The following REPS2 variants were observed in gnomAD, a reference collection of about 807,000 sequenced individuals.
The protein encoded by REPS2 is RALBP1 associated Eps domain containing 2.
REPS2 carries 23 observed loss-of-function variants against 53.6 expected under a neutral mutation model. That is an observed-to-expected ratio of 0.43 (90% confidence interval 0.31 to 0.61). The LOEUF is 0.61. Among genes scored for constraint, REPS2 ranks in the 20% least tolerant of loss-of-function variants. The probability of loss-of-function intolerance (pLI) is 0.11; values close to 1 mark genes in which losing one functional copy is unlikely to be tolerated. For missense variants in REPS2, 446 were observed against 534.9 expected, an observed-to-expected ratio of 0.83 and a Z score of 1.64; for synonymous variants, 238 against 218.6, an observed-to-expected ratio of 1.09 and a Z score of -0.78.
intron 13 of REPS2, among the ~76,000 whole-genome samples, chrX:17,095,032 T>G (rs2062677636): frequency 8.9e-6 from 1 of 112,273 alleles, no homozygotes; most frequent in African/African-American, 3.2e-5. Flanking sequence ...GGTCATTTCT[T>G]CCTGTTTTTA....
intron 1 of REPS2, among the ~76,000 whole-genome samples, chrX:16,959,864 A>G (rs759058434): frequency 1.8e-5 from 2 of 111,752 alleles, no homozygotes; most frequent in East Asian, 2.8e-4. Context: ...AAAAGATACC[A>G]AGATACCATA....
the REPS2 span, among the ~76,000 whole-genome samples, chrX:17,159,338 C>G: frequency 8.9e-6 from 1 of 111,784 alleles, no homozygotes. Context: ...TTCCCAAACT[C>G]TGGTTCTAGT....
chrX:16,999,873 C>T (rs1216076168), intron 1 of REPS2, among the ~76,000 whole-genome samples: 4 of 105,087 alleles, frequency 3.8e-5, no homozygotes, highest in Admixed American at 1.0e-4. Flanking sequence ...GGTGAAACCC[C>T]GTCTCTACTA....
intron 8 of REPS2, among the ~76,000 whole-genome samples, chrX:17,057,953 C>T (rs991019059): frequency 3.6e-5 from 4 of 112,122 alleles, no homozygotes; most frequent in African/African-American, 1.3e-4. Flanking sequence ...TTAATACCTT[C>T]GCCGTGTCCT....
At chrX:17,136,026 ACTTTGG>A (rs1163175741) in intron 16 of REPS2, 1 of 112,124 alleles carries the variant, frequency 8.9e-6, no homozygotes, top group Non-Finnish European at 1.9e-5. Context: ...TCTCTGTAAA[ACTTTGG>A]CTTTGAGAAG....
At position 16,946,747 on chromosome X, in the gene REPS2, C is replaced by CGGT. The variant is rs1555904468; in HGVS notation, c.-109_-107dup. On this transcript the variant is annotated 5_prime_UTR_variant, in exon 1 of 18. Transcript: ENST00000357277. ...GGCGTGGGGGTGGTGGTGGCGGCGG[C>CGGT]GGTGGTGGCGGCGGCGGCGGCGGCG... The CGGT allele has an allele frequency of 7.7e-5, 55 of 712,587 alleles. 2 individuals are homozygous for CGGT. The highest frequency in any genetic ancestry group is 5.6e-4 in the African/African-American group (20 of 35,675). 58.7% of individuals were successfully genotyped at this position (712,587 alleles called of 1,213,427 possible). A position where few individuals can be genotyped will look rare whatever the true frequency, so the allele number is the denominator to read the frequency against.
chrX:16,991,825 T>C (rs2061167676), intron 1 of REPS2, among the ~76,000 whole-genome samples: 1 of 110,978 alleles, frequency 9.0e-6, no homozygotes, highest in Non-Finnish European at 1.9e-5. Flanking sequence ...ATAGAAGCAA[T>C]GTATCTACAA....
chrX:16,974,362 T>C (rs1293844222), intron 1 of REPS2, among the ~76,000 whole-genome samples: 1 of 111,717 alleles, frequency 9.0e-6, no homozygotes, highest in Admixed American at 9.6e-5. Context: ...GTACCAAATT[T>C]GGGCTGGGTG....
the REPS2 span, among the ~76,000 whole-genome samples, chrX:17,178,369 G>A: frequency 8.9e-6 from 1 of 112,284 alleles, no homozygotes; most frequent in Non-Finnish European, 1.9e-5. Context: ...AACCAAAACT[G>A]TAAAAAGAAG....
the REPS2 span, among the ~76,000 whole-genome samples, chrX:17,173,649 C>T: frequency 3.1e-3 from 344 of 112,104 alleles, 1 homozygote; most frequent in African/African-American, 0.01. Context: ...TTGCCATACA[C>T]CACTTAGAAT....
At chrX:16,949,980 A>G (rs779773845) in intron 1 of REPS2, among the ~76,000 whole-genome samples, 20 of 111,049 alleles carry the variant, frequency 1.8e-4, no homozygotes, top group Non-Finnish European at 3.0e-4. Flanking sequence ...CCATTGTAGT[A>G]TCATACAGAA....
At chrX:16,951,495 C>T (rs1217998261) in intron 1 of REPS2, among the ~76,000 whole-genome samples, 1 of 86,917 alleles carries the variant, frequency 1.2e-5, no homozygotes, top group Admixed American at 1.3e-4. Flanking sequence ...TGGCAAAACC[C>T]CATCTACACA....
chrX:17,140,470 A>T (rs2063427955), intron 17 of REPS2, among the ~76,000 whole-genome samples: 1 of 110,983 alleles, frequency 9.0e-6, no homozygotes, highest in Non-Finnish European at 1.9e-5. Context: ...CATACAGGAA[A>T]GTTGAAAGAA....
rs1223081385 is a variant in REPS2 at position 17,006,347 on chromosome X, G to A, written c.397+3G>A. ...ACGGATAGAGAGTATTAAATGTGGT[G>A]AGTATCTCACATTTGTATGTTTTAT... On this transcript the variant is annotated splice_donor_region_variant and intron_variant, in intron 2 of 17. Transcript: ENST00000357277. 8.3e-7 allele frequency: 1 copy of A among 1,205,815 alleles called. No homozygotes were observed. The highest frequency in any genetic ancestry group is 2.2e-5 in the Admixed American group (1 of 45,877).
At chrX:17,096,654 C>T (rs1464920370) in intron 13 of REPS2, among the ~76,000 whole-genome samples, 1 of 36,765 alleles carries the variant, frequency 2.7e-5, no homozygotes, top group Non-Finnish European at 4.1e-5. Context: ...AGCGAGACTC[C>T]GTCTCAAAAA....
chrX:17,144,720 T>A (rs2063490679), intron 17 of REPS2, among the ~76,000 whole-genome samples: 1 of 112,104 alleles, frequency 8.9e-6, no homozygotes, highest in Non-Finnish European at 1.9e-5. Flanking sequence ...AGCCAAAAAT[T>A]TACACTGCAA....
intron 1 of REPS2, among the ~76,000 whole-genome samples, chrX:16,963,867 G>A (rs999576481): frequency 1.8e-5 from 2 of 111,136 alleles, no homozygotes; most frequent in African/African-American, 6.5e-5. Flanking sequence ...CGAATTTCTT[G>A]TAGGTTCTTA....
intron 1 of REPS2, among the ~76,000 whole-genome samples, chrX:16,976,046 C>T (rs1236230641): frequency 8.9e-6 from 1 of 111,798 alleles, no homozygotes; most frequent in Non-Finnish European, 1.9e-5. Context: ...TTTATCATCC[C>T]AAACATAAAC....
At chrX:17,158,732 G>T in the REPS2 span, among the ~76,000 whole-genome samples, 2 of 112,119 alleles carry the variant, frequency 1.8e-5, no homozygotes, top group East Asian at 5.6e-4. Context: ...TGGCAACTAT[G>T]TCTAATTTAA....
Sources: gnomAD v4.1 joint callset for allele counts (sites outside exome capture counted in the v4.1 genomes callset) on GRCh38, gnomAD v4.1.1 for gene constraint, MANE v1.5 for transcripts, NCBI Gene and HGNC (gene_info 2026-07-23, HGNC 2026-07-21) for gene names.